IFT140: variants seen among roughly 807,000 people sequenced by gnomAD.
The protein encoded by IFT140 is intraflagellar transport 140, also known as intraflagellar transport protein 140 homolog.
A neutral mutation model predicts 164.6 loss-of-function variants in IFT140; 133 were observed. The ratio of observed to expected loss-of-function variants is 0.81; its 90% confidence interval spans 0.70 to 0.93. The LOEUF (loss-of-function observed/expected upper bound fraction) is 0.93, where lower values mean the gene tolerates loss of function less well. IFT140 is among the 40% of genes least tolerant of loss of function. The pLI is 0.00. For synonymous variants in IFT140, 860 were observed against 817.3 expected, an observed-to-expected ratio of 1.05 and a Z score of -0.89; for missense variants, 2,045 against 1,972.3, an observed-to-expected ratio of 1.04 and a Z score of -0.70.
At chr16:1,525,198 T>C (rs1323871311) in intron 22 of IFT140, 33 bp downstream of exon 22, 8 of 1,516,184 alleles carry the variant, frequency 5.3e-6, no homozygotes, top group Non-Finnish European at 6.4e-6. Flanking sequence ...CAGGATGGAG[T>C]GCGGTCCCAC....
At chr16:1,560,833 T>A (rs1419371216) in intron 18 of IFT140, among the ~76,000 whole-genome samples, 3 of 152,128 alleles carry the variant, frequency 2.0e-5, no homozygotes, top group African/African-American at 7.2e-5. Context: ...CAGGTCCGAG[T>A]CTACAGGGTT....
intron 19 of IFT140, chr16:1,555,299 G>C: frequency 6.6e-6 from 3 of 456,416 alleles, no homozygotes; most frequent in Non-Finnish European, 7.8e-6. Context: ...GTGGAAGCTG[G>C]AAGCTGAGAC....
At chr16:1,537,577 G>A (rs976214051) in intron 19 of IFT140, among the ~76,000 whole-genome samples, 11 of 152,330 alleles carry the variant, frequency 7.2e-5, no homozygotes, top group East Asian at 3.9e-4. Context: ...CTTTCATTAC[G>A]GATCAGGGGT....
intron 15 of IFT140, among the ~76,000 whole-genome samples, chr16:1,567,649 A>G (rs1286420253): frequency 6.6e-6 from 1 of 152,248 alleles, no homozygotes; most frequent in Non-Finnish European, 1.5e-5. Context: ...GCAGGAGATC[A>G]GTCACGGCCC....
At chr16:1,557,891 G>T in intron 19 of IFT140, 44 bp downstream of exon 19, 1 of 1,576,166 alleles carries the variant, frequency 6.3e-7, no homozygotes, top group South Asian at 1.1e-5. Context: ...AAAGAGCCGT[G>T]AGCACGCGCT....
chr16:1,583,697 AT>A (rs889814834), intron 11 of IFT140, among the ~76,000 whole-genome samples: 1 of 147,678 alleles, frequency 6.8e-6, no homozygotes, highest in Admixed American at 6.7e-5. Flanking sequence ...TTTAACTGAC[AT>A]TTTTTTTAAT....
chr16:1,510,563 G>A lies in IFT140; in HGVS notation c.*381C>T, dbSNP rs1302155895. On this transcript the variant is annotated 3_prime_UTR_variant, in exon 31 of 31. Transcript: ENST00000426508. ...AGCCGTGGGCCCTGCAGGAGTATGG[G>A]GAGGATATGATGTGTGGGGAGCAGG... The A allele has an allele frequency of 6.2e-6, 2 of 323,490 alleles. No homozygotes were observed. The highest frequency in any genetic ancestry group is 1.8e-4 in the East Asian group (2 of 11,244). 20.0% of individuals were successfully genotyped at this position (323,490 alleles called of 1,614,324 possible). A position where few individuals can be genotyped will look rare whatever the true frequency, so the allele number is the denominator to read the frequency against.
chr16:1,520,260 G>A lies in IFT140; in HGVS notation c.3744C>T (p.Ile1248=). The A allele has an allele frequency of 6.2e-7, 1 of 1,614,244 alleles. No individual in the cohort carries two copies. The highest frequency in any genetic ancestry group is 8.5e-7 in the Non-Finnish European group (1 of 1,180,038). The change falls in exon 28 of 31, where the codon ATC becomes ATT. Residue 1248 remains isoleucine (I), a synonymous_variant. Transcript: ENST00000426508. ...ASVSRQKEIY[I]MAANYLQSLD... ...GGGACTGCAGGTAGTTAGCAGCCAT[G>A]ATGTAGATTTCCTTCTGCCTGGACA... is the stretch of plus-strand genomic sequence containing the variant.
chr16:1,562,686 C>T (rs183242904), intron 17 of IFT140, among the ~76,000 whole-genome samples: 5 of 152,174 alleles, frequency 3.3e-5, no homozygotes, highest in South Asian at 2.1e-4. Context: ...GCAGGAGGAT[C>T]GCTTGAACCC....
intron 30 of IFT140, among the ~76,000 whole-genome samples, chr16:1,513,840 A>C (rs1201259450): frequency 6.9e-6 from 1 of 145,970 alleles, no homozygotes; most frequent in Non-Finnish European, 1.5e-5. Context: ...CACCCGGCTA[A>C]TTTTTTGTAT....
intron 19 of IFT140, among the ~76,000 whole-genome samples, chr16:1,528,434 C>G: frequency 2.2e-5 from 1 of 46,406 alleles, no homozygotes; most frequent in Non-Finnish European, 3.4e-5. Flanking sequence ...CACACAGATG[C>G]ACACACACAT....
intron 19 of IFT140, chr16:1,534,147 G>A (rs1227330160): frequency 1.1e-5 from 14 of 1,240,756 alleles, no homozygotes; most frequent in African/African-American, 1.5e-5. Flanking sequence ...ATGGGCCTCC[G>A]CCCGCGCCGC....
intron 19 of IFT140, among the ~76,000 whole-genome samples, chr16:1,537,042 C>T (rs907767614): frequency 2.6e-5 from 4 of 152,260 alleles, no homozygotes; most frequent in Admixed American, 6.5e-5. Context: ...CAGCTCCTAG[C>T]GTCTTCCTTC....
At chr16:1,541,695 C>A (rs534284692) in intron 19 of IFT140, among the ~76,000 whole-genome samples, 1 of 152,094 alleles carries the variant, frequency 6.6e-6, no homozygotes, top group Non-Finnish European at 1.5e-5. Flanking sequence ...CAGCCAGGCC[C>A]GGCGGCTGGG....
intron 24 of IFT140, 28 bp downstream of exon 24, chr16:1,524,524 C>T: frequency 1.2e-6 from 2 of 1,609,124 alleles, no homozygotes; most frequent in Middle Eastern, 1.9e-4. Flanking sequence ...TCGAGAAGCG[C>T]CGGCTCCCCA....
intron 15 of IFT140, among the ~76,000 whole-genome samples, chr16:1,566,861 T>C (rs1373480544): frequency 6.6e-6 from 1 of 152,086 alleles, no homozygotes; most frequent in African/African-American, 2.4e-5. Context: ...CCCACCTCCC[T>C]GGCGGCACCT....
intron 4 of IFT140, among the ~76,000 whole-genome samples, chr16:1,598,554 A>C (rs563095265): frequency 1.3e-5 from 2 of 152,340 alleles, no homozygotes; most frequent in Non-Finnish European, 2.9e-5. Context: ...ACTTAGACCC[A>C]CCAGGGAGCT....
At chr16:1,568,002 G>T (rs1596379211) in intron 15 of IFT140, among the ~76,000 whole-genome samples, 1 of 152,220 alleles carries the variant, frequency 6.6e-6, no homozygotes, top group Admixed American at 6.5e-5. Flanking sequence ...AGGTCGGGGA[G>T]GAACAGAGGC....
chr16:1,542,574 G>A (rs377734851), intron 19 of IFT140, among the ~76,000 whole-genome samples: 28 of 152,346 alleles, frequency 1.8e-4, no homozygotes, highest in East Asian at 1.2e-3. Context: ...TGTTATAAAC[G>A]CAGCTTCCTA....
Sources: allele counts gnomAD v4.1 joint callset (sites outside exome capture counted in the v4.1 genomes callset), GRCh38; gene constraint gnomAD v4.1.1; transcripts MANE v1.5; gene names NCBI Gene and HGNC (gene_info 2026-07-23, HGNC 2026-07-21).